The following RGS6 variants were observed in gnomAD, a reference collection of about 807,000 sequenced individuals.
RGS6 encodes the protein regulator of G protein signaling 6.
Under a neutral mutation model 78.5 loss-of-function variants are expected in RGS6, and 30 were observed. The observed-to-expected ratio is 0.38, with a 90% CI of 0.29 to 0.52. The LOEUF (loss-of-function observed/expected upper bound fraction) is 0.52, where lower values mean the gene tolerates loss of function less well. Among genes scored for constraint, RGS6 ranks in the 20% least tolerant of loss-of-function variants. The pLI, the probability that RGS6 is intolerant of heterozygous loss-of-function variation, is 0.85. For synonymous variants in RGS6, 206 were observed against 206.0 expected, an observed-to-expected ratio of 1.00 and a Z score of 0.00; for missense variants, 495 against 609.7, an observed-to-expected ratio of 0.81 and a Z score of 1.98.
intron 2 of RGS6, among the ~76,000 whole-genome samples, chr14:72,263,071 A>G (rs2058451037): frequency 6.6e-6 from 1 of 152,156 alleles, no homozygotes; most frequent in South Asian, 2.1e-4. Flanking sequence ...CCCAGGGCCT[A>G]TCTGGGTGGT....
chr14:72,280,581 C>T (rs190244429), intron 2 of RGS6, among the ~76,000 whole-genome samples: 1 of 152,348 alleles, frequency 6.6e-6, no homozygotes, highest in East Asian at 1.9e-4. Flanking sequence ...TTATGCTAGG[C>T]ACTATTCCCG....
At chr14:71,952,796 A>G (rs776127474) in intron 1 of RGS6, among the ~76,000 whole-genome samples, 1 of 152,058 alleles carries the variant, frequency 6.6e-6, no homozygotes, top group African/African-American at 2.4e-5. Flanking sequence ...ACATATAAAC[A>G]TACTGATTTT....
chr14:71,967,541 A>G (rs772147887), intron 2 of RGS6, among the ~76,000 whole-genome samples: 7 of 152,224 alleles, frequency 4.6e-5, no homozygotes, highest in Non-Finnish European at 7.3e-5. Flanking sequence ...TGTGTAATCA[A>G]TTATTCAAAG....
Position 72,537,396 on chromosome 14 carries a change from A to C in RGS6, c.1368+1121A>C, listed in dbSNP as rs377566483. On this transcript the variant is annotated intron_variant, in intron 16 of 17. Transcript: ENST00000553525. ...TCCAGAGTCCTGGAGAGCATTTATA[A>C]CCTGCTCTCCTGCCCTTGTGTAGCC... The C allele has an allele frequency of 5.2e-4, 361 of 689,556 alleles. 2 individuals are homozygous for C. Among genetic ancestry groups the C allele is most frequent in the Middle Eastern group, 1.4e-3 (6 of 4,218 alleles). The allele number at this position is 689,556 out of a possible 1,614,324, so 42.7% of individuals were successfully genotyped here.
intron 3 of RGS6, among the ~76,000 whole-genome samples, chr14:72,438,158 A>G (rs1212122003): frequency 6.6e-6 from 1 of 152,076 alleles, no homozygotes; most frequent in East Asian, 1.9e-4. Context: ...AGGGGAATGG[A>G]CTGCCATTGT....
intron 3 of RGS6, 53 bp from the exon 4 acceptor site, chr14:72,454,475 C>T: frequency 6.5e-7 from 1 of 1,541,294 alleles, no homozygotes; most frequent in Middle Eastern, 1.7e-4. Context: ...TTTCTTCTGC[C>T]ACAGTGTTAA....
At chr14:72,285,402 T>C (rs570960966) in intron 2 of RGS6, among the ~76,000 whole-genome samples, 4 of 152,294 alleles carry the variant, frequency 2.6e-5, no homozygotes, top group African/African-American at 9.6e-5. Context: ...TGGGATCTAA[T>C]GGTTTTATAT....
intron 2 of RGS6, among the ~76,000 whole-genome samples, chr14:72,045,000 A>AT (rs2092723199): frequency 6.6e-6 from 1 of 152,212 alleles, no homozygotes; most frequent in Non-Finnish European, 1.5e-5. Flanking sequence ...TGAGAGTTAC[A>AT]TTGTTGGCTC....
At chr14:72,506,537 T>TGATA (rs1435695517) in intron 13 of RGS6, among the ~76,000 whole-genome samples, 5 of 152,200 alleles carry the variant, frequency 3.3e-5, no homozygotes, top group Admixed American at 1.3e-4. Flanking sequence ...AATACTCAAG[T>TGATA]GATACAGAAG....
intron 2 of RGS6, among the ~76,000 whole-genome samples, chr14:72,132,641 CT>C (rs1205936752): frequency 7.9e-5 from 12 of 152,118 alleles, no homozygotes; most frequent in Admixed American, 7.9e-4. Context: ...TGCATTTCCA[CT>C]TCACACACTC....
At chr14:72,554,340 A>G (rs967199009) in intron 17 of RGS6, among the ~76,000 whole-genome samples, 1 of 152,236 alleles carries the variant, frequency 6.6e-6, no homozygotes, top group Non-Finnish European at 1.5e-5. Context: ...AGAATCACAT[A>G]CTGCCAACCA....
At chr14:72,203,817 C>G (rs112964195) in intron 2 of RGS6, among the ~76,000 whole-genome samples, 1 of 116,998 alleles carries the variant, frequency 8.5e-6, no homozygotes, top group African/African-American at 3.4e-5. Flanking sequence ...ACCTTTCTTT[C>G]TTTCTTTTTT....
At chr14:72,554,431 G>A (rs2097544153) in intron 17 of RGS6, among the ~76,000 whole-genome samples, 2 of 152,110 alleles carry the variant, frequency 1.3e-5, no homozygotes, top group African/African-American at 4.8e-5. Context: ...CATAGTCAAG[G>A]GTTACTTGAA....
At chr14:72,292,622 C>T (rs748625773) in intron 2 of RGS6, among the ~76,000 whole-genome samples, 4 of 152,350 alleles carry the variant, frequency 2.6e-5, no homozygotes, top group South Asian at 2.1e-4. Context: ...CAGGGTTCTG[C>T]AGGCCTGACC....
intron 3 of RGS6, among the ~76,000 whole-genome samples, chr14:72,403,322 A>G (rs1331007615): frequency 6.6e-6 from 1 of 152,270 alleles, no homozygotes; most frequent in East Asian, 1.9e-4. Context: ...CCTGGAGGAC[A>G]TTACGTTAAG....
intron 2 of RGS6, among the ~76,000 whole-genome samples, chr14:72,328,468 T>C (rs146616356): frequency 8.3e-4 from 126 of 152,294 alleles, no homozygotes; most frequent in African/African-American, 3.0e-3. Flanking sequence ...TTTCACGGTC[T>C]ACACAAATTA....
At chr14:71,896,159 G>A in the RGS6 span, among the ~76,000 whole-genome samples, 23 of 152,192 alleles carry the variant, frequency 1.5e-4, no homozygotes, top group African/African-American at 4.3e-4. Flanking sequence ...CCAAGAGAGC[G>A]TTCTTGGATC....
chr14:72,242,288 T>C (rs1292050968), intron 2 of RGS6, among the ~76,000 whole-genome samples: 1 of 152,132 alleles, frequency 6.6e-6, no homozygotes, highest in Non-Finnish European at 1.5e-5. Context: ...ATAATGGGAA[T>C]AGGAAATATG....
At chr14:72,579,415 A>C in the RGS6 span, among the ~76,000 whole-genome samples, 4 of 152,232 alleles carry the variant, frequency 2.6e-5, no homozygotes, top group Non-Finnish European at 5.9e-5. Flanking sequence ...CAGTCAGCCA[A>C]ATAATAAAGC....
Sources: allele counts gnomAD v4.1 joint callset (sites outside exome capture counted in the v4.1 genomes callset), GRCh38; gene constraint gnomAD v4.1.1; transcripts MANE v1.5; gene names NCBI Gene and HGNC (gene_info 2026-07-23, HGNC 2026-07-21).